Variants in PCBP2 observed in about 807,000 individuals in gnomAD.
The protein encoded by PCBP2 is poly(rC)-binding protein 2.
PCBP2 carries 4 observed loss-of-function variants against 50.1 expected under a neutral mutation model. That is an observed-to-expected ratio of 0.08 (90% confidence interval 0.04 to 0.18). The LOEUF is 0.18. Ranked by LOEUF, PCBP2 falls within the 10% of genes least tolerant of loss-of-function variation. PCBP2 has a pLI of 1.00. For missense variants in PCBP2, 161 were observed against 474.3 expected (o/e 0.34, Z 6.14); for synonymous variants, 179 against 168.0 (o/e 1.07, Z -0.51).
intron 13 of PCBP2, 48 bp from the exon 14 acceptor site, chr12:53,471,590 G>C: frequency 2.0e-6 from 3 of 1,531,300 alleles, no homozygotes; most frequent in East Asian, 2.3e-5. Context: ...CTTAGACCTA[G>C]CCATGCAACT....
chr12:53,467,593 C>T, intron 11 of PCBP2: 1 of 619,868 alleles, frequency 1.6e-6, no homozygotes, highest in Non-Finnish European at 2.9e-6. Context: ...GACTGCTGCC[C>T]CCTTGATCTG....
chr12:53,466,916 G>A (rs1313021126), intron 10 of PCBP2, among the ~76,000 whole-genome samples: 1 of 152,140 alleles, frequency 6.6e-6, no homozygotes, highest in Non-Finnish European at 1.5e-5. Context: ...TGTTGCAATG[G>A]CTGCAAACTA....
chr12:53,453,549 C>T (rs1055847665), intron 1 of PCBP2, among the ~76,000 whole-genome samples: 2 of 152,138 alleles, frequency 1.3e-5, no homozygotes, highest in African/African-American at 2.4e-5. Flanking sequence ...ACTTAAGCAC[C>T]TAAGATATTT....
intron 14 of PCBP2, 134 bp downstream of exon 14, chr12:53,471,941 C>CT: frequency 5.6e-6 from 3 of 537,108 alleles, no homozygotes; most frequent in Non-Finnish European, 8.8e-6. Flanking sequence ...TTTTTTTTTG[C>CT]TAGCTCTACT....
At position 53,452,142 on chromosome 12, in the gene PCBP2, G is replaced by GCGCCCTCTCCCGCCCGCC. The variant is rs1405680893; in HGVS notation, c.-302_-285dup. 1 of 144,072 alleles carries GCGCCCTCTCCCGCCCGCC rather than the reference G, an allele frequency of 6.9e-6. No homozygotes were observed. Among genetic ancestry groups the GCGCCCTCTCCCGCCCGCC allele is most frequent in the Admixed American group, 7.1e-5 (1 of 14,034 alleles). The allele number at this position is 144,072 out of a possible 1,614,324, so 8.9% of individuals were successfully genotyped here. On this transcript the variant is annotated 5_prime_UTR_variant, in exon 1 of 15. Transcript: ENST00000546463. ...GCAGCAGCCGGAGCAGCCGCAGCCT[G>GCGCCCTCTCCCGCCCGCC]CGCCCTCTCCCGCCCGCCCGCCCTC...
chr12:53,477,110 C>T (rs1283455849), intron 14 of PCBP2, among the ~76,000 whole-genome samples: 1 of 152,158 alleles, frequency 6.6e-6, no homozygotes, highest in Non-Finnish European at 1.5e-5. Context: ...CCCCTTCTCC[C>T]TGCGTCACCT....
intron 8 of PCBP2, among the ~76,000 whole-genome samples, chr12:53,464,062 C>CTA (rs1375814840): frequency 6.6e-6 from 1 of 152,152 alleles, no homozygotes; most frequent in Non-Finnish European, 1.5e-5. Flanking sequence ...GGCTCTCAGT[C>CTA]TAGTTAGTCA....
At chr12:53,472,445 G>A (rs1309823653) in intron 14 of PCBP2, among the ~76,000 whole-genome samples, 1 of 152,164 alleles carries the variant, frequency 6.6e-6, no homozygotes, top group Non-Finnish European at 1.5e-5. Flanking sequence ...GCTAGGTAGT[G>A]TTACTACTCT....
intron 9 of PCBP2, chr12:53,465,157 G>T (rs1296271531): frequency 7.5e-6 from 2 of 267,616 alleles, no homozygotes; most frequent in Non-Finnish European, 1.4e-5. Flanking sequence ...GGGGGTACTG[G>T]CCACTGTGAT....
chr12:53,455,749 A>G (rs979151877), intron 4 of PCBP2, 136 bp from the exon 5 acceptor site: 1 of 719,846 alleles, frequency 1.4e-6, no homozygotes, highest in Middle Eastern at 3.9e-4. Flanking sequence ...GTCATGGAGC[A>G]GTAGTGTTTG....
chr12:53,466,245 G>A (rs751627779), intron 10 of PCBP2, among the ~76,000 whole-genome samples: 54 of 152,194 alleles, frequency 3.5e-4, no homozygotes, highest in African/African-American at 1.1e-3. Flanking sequence ...AAAGGGAAAT[G>A]TTCCATGGTA....
chr12:53,455,019 G>A (rs2137016343), intron 2 of PCBP2, 150 bp downstream of exon 2: 1 of 742,156 alleles, frequency 1.3e-6, no homozygotes, highest in South Asian at 1.7e-5. Context: ...AGTGTAGTGG[G>A]AAAATGGACA....
chr12:53,468,719 A>C, intron 12 of PCBP2, 58 bp from the exon 13 acceptor site: 1 of 1,250,016 alleles, frequency 8.0e-7, no homozygotes, highest in Non-Finnish European at 1.2e-6. Context: ...TTAATGTGCA[A>C]GTCAGTGAGG....
chr12:53,477,690 A>AAAAC (rs1565876304), intron 14 of PCBP2, among the ~76,000 whole-genome samples: 2 of 149,966 alleles, frequency 1.3e-5, no homozygotes, highest in African/African-American at 4.9e-5. Context: ...AAAAAAAAAA[A>AAAAC]AAAACCCTAA....
intron 14 of PCBP2, among the ~76,000 whole-genome samples, chr12:53,472,112 A>G (rs907576446): frequency 2.6e-5 from 4 of 152,056 alleles, no homozygotes; most frequent in East Asian, 1.9e-4. Context: ...CACAAAATCA[A>G]ATGTGGGTCT....
At chr12:53,454,904 C>G in intron 2 of PCBP2, 35 bp downstream of exon 2, 1 of 1,559,336 alleles carries the variant, frequency 6.4e-7, no homozygotes, top group Non-Finnish European at 8.9e-7. Flanking sequence ...GTCATAGTAA[C>G]TGCTAGGGGA....
At chr12:53,477,913 ATAACT>A (rs112049460) in intron 14 of PCBP2, among the ~76,000 whole-genome samples, 111 of 152,286 alleles carry the variant, frequency 7.3e-4, no homozygotes, top group East Asian at 1.2e-3. Flanking sequence ...ATCTTATGAA[ATAACT>A]TATCTTATGA....
intron 6 of PCBP2, chr12:53,460,567 A>C (rs889557236): frequency 4.6e-6 from 1 of 215,600 alleles, no homozygotes; most frequent in Non-Finnish European, 9.8e-6. Flanking sequence ...TTGGGAGCGT[A>C]TCGTACATGG....
At chr12:53,462,668 C>G in intron 8 of PCBP2, 101 bp downstream of exon 8, 1 of 851,764 alleles carries the variant, frequency 1.2e-6, no homozygotes, top group Non-Finnish European at 1.8e-6. Context: ...CTTGCTGAAA[C>G]CTATACTCTG....
Sources: gnomAD v4.1 joint callset for allele counts (sites outside exome capture counted in the v4.1 genomes callset) on GRCh38, gnomAD v4.1.1 for gene constraint, MANE v1.5 for transcripts, NCBI Gene and HGNC (gene_info 2026-07-23, HGNC 2026-07-21) for gene names.